The following NAALAD2 variants were observed in gnomAD, a reference collection of about 807,000 sequenced individuals.
NAALAD2 encodes N-acetylated-alpha-linked acidic dipeptidase 2.
In NAALAD2, 89 loss-of-function variants were observed where a neutral mutation model predicts 95.6. That is an observed-to-expected ratio of 0.93 (90% CI 0.78 to 1.11). The LOEUF (loss-of-function observed/expected upper bound fraction) is 1.11. NAALAD2 is among the 50% of genes least tolerant of loss of function. The pLI is 0.00. For missense variants in NAALAD2, 894 were observed against 872.4 expected (o/e 1.02, Z -0.31); for synonymous variants, 264 against 294.4 (o/e 0.90, Z 1.06).
At chr11:90,170,198 T>TC (rs1044895099) in intron 13 of NAALAD2, 62 bp downstream of exon 13, 17 of 1,001,614 alleles carry the variant, frequency 1.7e-5, no homozygotes, top group African/African-American at 1.6e-4. Context: ...TAACGTGTGT[T>TC]CCCCCCTAAA....
chr11:90,191,882 C>A lies in NAALAD2; in HGVS notation c.*135C>A, dbSNP rs939088521. ...TTTTGATTATAGGCTTTGGTCTTTT[C>A]ATCTGCAAAGCCTTTTTTTTTTGCT... is the stretch of plus-strand genomic sequence containing the variant. On this transcript the variant is annotated 3_prime_UTR_variant, in exon 19 of 19. Transcript: ENST00000534061. 5 of 574,262 alleles carry A rather than the reference C, an allele frequency of 8.7e-6. No homozygotes were observed. The highest frequency in any genetic ancestry group is 1.4e-4 in the South Asian group (2 of 14,176). 35.6% of individuals were successfully genotyped at this position (574,262 alleles called of 1,614,324 possible).
At chr11:90,168,646 G>C (rs780206898) in intron 11 of NAALAD2, among the ~76,000 whole-genome samples, 3 of 152,148 alleles carry the variant, frequency 2.0e-5, no homozygotes, top group Admixed American at 6.5e-5. Flanking sequence ...GGGAATCAAG[G>C]AACCACACTT....
At position 90,152,413 on chromosome 11, in the gene NAALAD2, C is replaced by A; in HGVS notation, c.725C>A (p.Ala242Glu). ...YPKGWNLPGT[A>E]AQRGNVLNLN... ...AAAGGATGGAATCTTCCTGGAACTG[C>A]AGCCCAGAGAGGAAATGTGTTAAAT... is the stretch of plus-strand genomic sequence containing the variant. The change falls in exon 6 of 19, where the codon GCA (alanine) becomes GAA (glutamate). Residue 242 changes from alanine (A) to glutamate (E), a missense_variant. Transcript: ENST00000534061. The A allele has an allele frequency of 6.2e-7, 1 of 1,613,858 alleles. No homozygotes were observed. Among genetic ancestry groups the A allele is most frequent in the Non-Finnish European group, 8.5e-7 (1 of 1,179,850 alleles).
At chr11:90,137,140 T>C (rs750029957) in intron 2 of NAALAD2, among the ~76,000 whole-genome samples, 28 of 151,660 alleles carry the variant, frequency 1.8e-4, no homozygotes, top group Non-Finnish European at 3.4e-4. Flanking sequence ...CTAACTCATA[T>C]GTGGGAGCTA....
chr11:90,155,070 A>G (rs886263047), intron 6 of NAALAD2, among the ~76,000 whole-genome samples: 2 of 121,620 alleles, frequency 1.6e-5, no homozygotes, highest in African/African-American at 3.9e-5. Flanking sequence ...ATACATATGT[A>G]TATATGTGTG....
chr11:90,184,950 T>C (rs1167965843), intron 18 of NAALAD2, among the ~76,000 whole-genome samples: 1 of 152,174 alleles, frequency 6.6e-6, no homozygotes, highest in Non-Finnish European at 1.5e-5. Flanking sequence ...ACTATTTGCA[T>C]AGCATTTACA....
chr11:90,182,914 A>C lies in NAALAD2; in HGVS notation c.1941-2A>C. ...ATAATTATGTATATGTTCTTCTCGA[A>C]GTCCCATTGCAGTGAGAATGATGAA... is the stretch of plus-strand genomic sequence containing the variant. On this transcript the variant is annotated splice_acceptor_variant, in intron 17 of 18. Transcript: ENST00000534061. LOFTEE classifies it high-confidence loss of function. 6.2e-7 allele frequency: 1 copy of C among 1,602,318 alleles called. No homozygotes were observed. The highest frequency in any genetic ancestry group is 8.5e-7 in the Non-Finnish European group (1 of 1,169,896).
intron 15 of NAALAD2, among the ~76,000 whole-genome samples, chr11:90,177,174 C>G (rs988956065): frequency 1.3e-5 from 2 of 152,080 alleles, no homozygotes; most frequent in Non-Finnish European, 2.9e-5. Flanking sequence ...CGGGATACTA[C>G]TATGTAATAA....
intron 9 of NAALAD2, 97 bp downstream of exon 9, chr11:90,163,131 C>A: frequency 1.7e-6 from 2 of 1,208,596 alleles, no homozygotes; most frequent in Non-Finnish European, 2.3e-6. Context: ...GGTTTTTTGG[C>A]TGATTTGAAA....
intron 8 of NAALAD2, chr11:90,162,352 T>C (rs1219553909): frequency 1.3e-5 from 2 of 152,168 alleles, no homozygotes; most frequent in African/African-American, 2.4e-5. Flanking sequence ...CATTTCATTA[T>C]GTAGTTGTGC....
intron 9 of NAALAD2, 138 bp downstream of exon 9, chr11:90,163,172 C>A: frequency 8.1e-7 from 1 of 1,238,894 alleles, no homozygotes; most frequent in Non-Finnish European, 1.1e-6. Context: ...CTGTACAAAT[C>A]TAAAAGAAGA....
At chr11:90,178,294 A>C (rs761960810) in intron 16 of NAALAD2, among the ~76,000 whole-genome samples, 177 bp downstream of exon 16, 11 of 152,204 alleles carry the variant, frequency 7.2e-5, no homozygotes, top group Non-Finnish European at 1.3e-4. Context: ...TTAATCTGGC[A>C]TGTATAGAAT....
intron 2 of NAALAD2, among the ~76,000 whole-genome samples, chr11:90,142,643 T>C (rs1951648224): frequency 6.6e-6 from 1 of 152,118 alleles, no homozygotes; most frequent in Non-Finnish European, 1.5e-5. Context: ...CCGCATATAA[T>C]AGATATTTGC....
intron 16 of NAALAD2, 44 bp from the exon 17 acceptor site, chr11:90,181,575 GA>G: frequency 7.3e-7 from 1 of 1,375,454 alleles, no homozygotes; most frequent in Non-Finnish European, 1.0e-6. Context: ...GCGAACCTCT[GA>G]AATATGAGCT....
Position 90,192,000 on chromosome 11 carries a change from A to G in NAALAD2, c.*253A>G. On this transcript the variant is annotated 3_prime_UTR_variant, in exon 19 of 19. Transcript: ENST00000534061. ...AAAGTAAAAGAAAATTCCCTAAATT[A>G]TAGCAAGGAACATGAATTCTCAGAC... 1 of 240,164 alleles carries G rather than the reference A, an allele frequency of 4.2e-6. No homozygotes were observed. Among genetic ancestry groups the G allele is most frequent in the Admixed American group, 5.6e-5 (1 of 18,018 alleles). 14.9% of individuals were successfully genotyped at this position (240,164 alleles called of 1,614,324 possible).
At chr11:90,174,058 C>A (rs2134960943) in intron 14 of NAALAD2, 143 bp downstream of exon 14, 1 of 661,732 alleles carries the variant, frequency 1.5e-6, no homozygotes, top group Non-Finnish European at 2.6e-6. Flanking sequence ...CTGGCCGAGC[C>A]CAGTAGCTCA....
chr11:90,182,200 C>T (rs1952993575), intron 17 of NAALAD2, among the ~76,000 whole-genome samples: 1 of 151,924 alleles, frequency 6.6e-6, no homozygotes, highest in Non-Finnish European at 1.5e-5. Context: ...TATTTAATTT[C>T]TTGCCACTTT....
At chr11:90,147,938 G>A (rs1951787231) in intron 3 of NAALAD2, among the ~76,000 whole-genome samples, 1 of 152,162 alleles carries the variant, frequency 6.6e-6, no homozygotes, top group African/African-American at 2.4e-5. Context: ...ATGCTTGGAG[G>A]CATATACTAG....
At chr11:90,154,510 T>C (rs1951976750) in intron 6 of NAALAD2, among the ~76,000 whole-genome samples, 1 of 151,862 alleles carries the variant, frequency 6.6e-6, no homozygotes, top group Admixed American at 6.6e-5. Context: ...TATCCTTTTA[T>C]ATATTGTTGA....
Sources: gnomAD v4.1 joint callset for allele counts (sites outside exome capture counted in the v4.1 genomes callset) on GRCh38, gnomAD v4.1.1 for gene constraint, MANE v1.5 for transcripts, NCBI Gene and HGNC (gene_info 2026-07-23, HGNC 2026-07-21) for gene names.